The following MARCHF6 variants were observed in gnomAD, a reference collection of about 807,000 sequenced individuals.
The protein encoded by MARCHF6 is membrane associated ring-CH-type finger 6, also known as E3 ubiquitin-protein ligase MARCHF6.
MARCHF6 carries 31 observed loss-of-function variants against 133.7 expected under a neutral mutation model. The observed-to-expected ratio is 0.23, with a 90% CI of 0.17 to 0.31. The LOEUF is 0.31. Among genes scored for constraint, MARCHF6 ranks in the 10% least tolerant of loss-of-function variants. The pLI is 1.00. For synonymous variants in MARCHF6, 395 were observed against 402.5 expected (o/e 0.98, Z 0.22); for missense variants, 723 against 1,121.6 (o/e 0.64, Z 5.08).
rs372682863 is a variant in MARCHF6, at chr5:10,387,043, G to A, written c.384G>A (p.Thr128=). ...LFTGSVSSLL[T]LPLDMLSTEN... Reference sequence around the variant, plus strand: ...CTGGCTCCGTGAGCTCACTACTGACGCTGCCATTAGATATGCTGTCAACGT... The same window carrying A: ...CTGGCTCCGTGAGCTCACTACTGACACTGCCATTAGATATGCTGTCAACGT... The change falls in exon 5 of 26, where the codon ACG becomes ACA. Residue 128 remains threonine, a synonymous_variant. Coordinates refer to ENST00000274140, the MANE Select transcript of MARCHF6 (RefSeq NM_005885.4). 1.1e-5 allele frequency: 18 copies of A among 1,612,264 alleles called. No individual in the cohort carries two copies. Among genetic ancestry groups the A allele is most frequent in the Middle Eastern group, 3.3e-4 (2 of 6,076 alleles).
Position 10,391,436 on chromosome 5 carries a change from GTTTTTTTTTT to G in MARCHF6, c.577-87_577-78del, listed in dbSNP as rs35378319. The stretch of plus-strand genomic sequence containing the variant: ...GCATGAGCCACTACACCTGGCCTAG[GTTTTTTTTTT>G]TTTTTTTTTTTTTTTTTTAGCAGGA... On this transcript the variant is annotated intron_variant, in intron 6 of 25. Transcript: ENST00000274140. The G allele has an allele frequency of 3.9e-5, 12 of 306,396 alleles. No individual in the cohort carries two copies. The East Asian group carries it at 4.1e-4, about 10-fold the overall frequency. The allele number at this position is 306,396 out of a possible 1,614,324, so 19.0% of individuals were successfully genotyped here. A position where few individuals can be genotyped will look rare whatever the true frequency, so the allele number is the denominator to read the frequency against.
intron 5 of MARCHF6, 70 bp downstream of exon 5, chr5:10,387,136 A>G: frequency 8.9e-7 from 1 of 1,123,252 alleles, no homozygotes; most frequent in Non-Finnish European, 1.3e-6. Flanking sequence ...TTGCATATTT[A>G]TTTTATTATA....
chr5:10,362,947 A>C (rs2126648585), intron 1 of MARCHF6, among the ~76,000 whole-genome samples: 1 of 152,324 alleles, frequency 6.6e-6, no homozygotes, highest in East Asian at 1.9e-4. Flanking sequence ...TATAAAGGAT[A>C]TCGTTTTTCA....
intron 18 of MARCHF6, 143 bp downstream of exon 18, chr5:10,410,419 T>C: frequency 1.1e-6 from 1 of 943,816 alleles, no homozygotes; most frequent in East Asian, 2.7e-5. Flanking sequence ...CAATTGCATA[T>C]AATACTTCTA....
chr5:10,378,163 T>C (rs1399028973), intron 2 of MARCHF6, among the ~76,000 whole-genome samples: 1 of 152,226 alleles, frequency 6.6e-6, no homozygotes, highest in Non-Finnish European at 1.5e-5. Flanking sequence ...ATTTCTACCA[T>C]GGAGAGCTTA....
chr5:10,368,975 A>T (rs997089608), intron 1 of MARCHF6, among the ~76,000 whole-genome samples: 1 of 151,512 alleles, frequency 6.6e-6, no homozygotes, highest in Non-Finnish European at 1.5e-5. Flanking sequence ...AAAAAAAAAA[A>T]TTTCCAATGT....
At chr5:10,411,634 T>C in intron 19 of MARCHF6, 97 bp downstream of exon 19, 1 of 907,564 alleles carries the variant, frequency 1.1e-6, no homozygotes, top group Admixed American at 2.9e-5. Flanking sequence ...TATGCAGTCC[T>C]CTGTGTAGAC....
intron 4 of MARCHF6, among the ~76,000 whole-genome samples, chr5:10,384,540 T>C (rs1737351256): frequency 6.6e-6 from 1 of 152,210 alleles, no homozygotes; most frequent in Non-Finnish European, 1.5e-5. Flanking sequence ...GACTGTAGAA[T>C]GTGAGCATCT....
intron 1 of MARCHF6, among the ~76,000 whole-genome samples, chr5:10,377,351 C>T (rs867648578): frequency 2.6e-5 from 4 of 152,148 alleles, no homozygotes; most frequent in Admixed American, 6.5e-5. Flanking sequence ...AAAAGCTTGT[C>T]TTCTAACTGC....
At position 10,367,845 on chromosome 5, in the gene MARCHF6, C is replaced by T. The variant is rs542340884; in HGVS notation, c.20-9953C>T. ...TTTAAAAGGTATCCATGTGTAAAGA[C>T]ATTAGGTATTCAAATACAGCAACAA... On this transcript the variant is annotated intron_variant, in intron 1 of 25. Coordinates refer to ENST00000274140, the MANE Select transcript of MARCHF6 (RefSeq NM_005885.4). Among the ~76,000 whole-genome samples the T allele has an allele frequency of 2.6e-5, 4 of 152,106 alleles. No individual in the cohort carries two copies. The South Asian group carries it at 8.3e-4, about 32-fold the overall frequency.
intron 1 of MARCHF6, among the ~76,000 whole-genome samples, chr5:10,376,439 C>T (rs1736785091): frequency 1.3e-5 from 2 of 152,200 alleles, no homozygotes; most frequent in South Asian, 4.1e-4. Context: ...GACGCGACAC[C>T]TTAAGAGCTG....
intron 1 of MARCHF6, chr5:10,354,121 G>T: frequency 7.9e-6 from 3 of 378,292 alleles, no homozygotes; most frequent in South Asian, 1.0e-4. Context: ...CGCCGCCGAG[G>T]GGGGCGGGGA....
chr5:10,402,236 TA>T (rs1738585065), intron 12 of MARCHF6, 97 bp downstream of exon 12: 2 of 1,098,680 alleles, frequency 1.8e-6, no homozygotes, highest in East Asian at 4.7e-5. Flanking sequence ...GTCCTCTTAG[TA>T]AAAGTTGTAG....
chr5:10,388,844 C>T (rs1193031079), intron 5 of MARCHF6, among the ~76,000 whole-genome samples: 1 of 152,192 alleles, frequency 6.6e-6, no homozygotes, highest in Non-Finnish European at 1.5e-5. Context: ...GGAAAAAGGA[C>T]TCCAGAGTTT....
rs148023960 is a variant in MARCHF6 at position 10,393,002 on chromosome 5, G to A, written c.767-1080G>A. ...TTTAGTGAAAAAGTAGGAAATACAC[G>A]TCATGATGAGTGTTGTGCGGGTTGC... On this transcript the variant is annotated intron_variant, in intron 7 of 25. Coordinates refer to ENST00000274140, the MANE Select transcript of MARCHF6 (RefSeq NM_005885.4). Among the ~76,000 whole-genome samples, 33 of 152,286 alleles carry A rather than the reference G, an allele frequency of 2.2e-4. No individual in the cohort carries two copies. In the East Asian group the frequency reaches 6.4e-3, roughly 29 times the overall value.
chr5:10,366,914 C>T (rs1736171895), intron 1 of MARCHF6, among the ~76,000 whole-genome samples: 1 of 152,208 alleles, frequency 6.6e-6, no homozygotes, highest in African/African-American at 2.4e-5. Context: ...TTATAGCCTC[C>T]AGTGGTATAC....
At chr5:10,428,057 C>T (rs1290072199) in intron 24 of MARCHF6, among the ~76,000 whole-genome samples, 1 of 152,064 alleles carries the variant, frequency 6.6e-6, no homozygotes, top group East Asian at 1.9e-4. Flanking sequence ...AGGCCAAGAC[C>T]CTGTCTCAAA....
intron 20 of MARCHF6, 70 bp from the exon 21 acceptor site, chr5:10,415,418 A>G (rs887895700): frequency 7.3e-7 from 1 of 1,368,556 alleles, no homozygotes; most frequent in African/African-American, 1.4e-5. Context: ...AAATACTAAC[A>G]TAACAACATG....
chr5:10,359,960 C>G (rs1011299197), intron 1 of MARCHF6, among the ~76,000 whole-genome samples: 2 of 151,746 alleles, frequency 1.3e-5, no homozygotes, highest in African/African-American at 2.4e-5. Flanking sequence ...CAGCCGAGAT[C>G]GCGCCACTGC....
Sources: allele counts gnomAD v4.1 joint callset (sites outside exome capture counted in the v4.1 genomes callset), GRCh38; gene constraint gnomAD v4.1.1; transcripts MANE v1.5; gene names NCBI Gene and HGNC (gene_info 2026-07-23, HGNC 2026-07-21).